WFIKKN2: variants seen among roughly 807,000 people sequenced by gnomAD.
WFIKKN2 encodes the protein WAP, follistatin/kazal, immunoglobulin, kunitz and netrin domain containing 2, also known as WAP, Kazal, immunoglobulin, Kunitz and NTR domain-containing protein 2.
WFIKKN2 carries 25 observed loss-of-function variants against 39.2 expected under a neutral mutation model. The ratio of observed to expected loss-of-function variants is 0.64; its 90% CI spans 0.47 to 0.89. The LOEUF is 0.89. Ranked by LOEUF, WFIKKN2 falls within the 40% of genes least tolerant of loss-of-function variation. The pLI, the probability that WFIKKN2 is intolerant of heterozygous loss-of-function variation, is 0.00. For synonymous variants in WFIKKN2, 345 were observed against 329.7 expected, an observed-to-expected ratio of 1.05 and a Z score of -0.50; for missense variants, 770 against 811.7, an observed-to-expected ratio of 0.95 and a Z score of 0.62.
chr17:50,835,043 C>G (rs1971937016), upstream of WFIKKN2: 1 of 152,186 alleles, frequency 6.6e-6, no homozygotes, highest in Admixed American at 6.5e-5. Context: ...GTATGTGTCT[C>G]TGGAATGATT....
rs1030847243 is a variant in WFIKKN2 at position 50,836,013 on chromosome 17, C to T, written c.76C>T (p.Leu26Phe). Residue 26 changes from leucine to phenylalanine, a missense_variant, in exon 1 of 2, where the codon CTC becomes TTC. Transcript: ENST00000311378. ...AGCGCTGCTGCTGCTGCTGCTACTG[C>T]TCGGGGTGCCCCCGCGAAGCCTGGC... is the stretch of plus-strand genomic sequence containing the variant. ...VAALLLLLLL[L>F]GVPPRSLALP... 4.4e-6 allele frequency: 7 copies of T among 1,602,750 alleles called. No individual in the cohort carries two copies. The highest frequency in any genetic ancestry group is 5.1e-6 in the Non-Finnish European group (6 of 1,175,222).
Position 50,839,503 on chromosome 17 carries a change from G to C in WFIKKN2, c.215G>C (p.Cys72Ser), listed in dbSNP as rs1972001828. 6.2e-7 allele frequency: 1 copy of C among 1,611,924 alleles called. No homozygotes were observed. Among genetic ancestry groups the C allele is most frequent in the Non-Finnish European group, 8.5e-7 (1 of 1,178,608 alleles). Residue 72 changes from cysteine (C) to serine (S), a missense_variant, in exon 2 of 2, where the codon TGT (cysteine) becomes TCT (serine). Coordinates refer to ENST00000311378, the MANE Select transcript of WFIKKN2 (RefSeq NM_175575.6). ...CRRECETDQE[C>S]ETYEKCCPNV... Reference sequence around the variant, plus strand: ...CACTCTCTCTGGCTCTTTCAGGAGTGTGAGACCTATGAGAAGTGCTGCCCC... The same window carrying C: ...CACTCTCTCTGGCTCTTTCAGGAGTCTGAGACCTATGAGAAGTGCTGCCCC...
In WFIKKN2 at chr17:50,840,362, C is replaced by T. The variant is rs773624934; in HGVS notation, c.1074C>T (p.Phe358=). The T allele has an allele frequency of 3.7e-5, 59 of 1,614,068 alleles. No individual in the cohort carries two copies. In the Middle Eastern group the frequency reaches 1.8e-3, roughly 49 times the overall value. The part of the protein sequence containing the change: ...AQANNCLTFT[F]GHCHRNLNHF... ...CCAACAACTGCCTGACCTTCACCTTCGGCCACTGCCACCGTAACCTCAACC... is the reference window on the plus strand; with the variant it reads ...CCAACAACTGCCTGACCTTCACCTTTGGCCACTGCCACCGTAACCTCAACC... The change falls in exon 2 of 2, where the codon TTC becomes TTT. Residue 358 remains phenylalanine (F), a synonymous_variant. Transcript: ENST00000311378.
upstream of WFIKKN2, among the ~76,000 whole-genome samples, chr17:50,835,248 G>C (rs560710096): frequency 6.6e-6 from 1 of 152,368 alleles, no homozygotes; most frequent in South Asian, 2.1e-4. Flanking sequence ...GCTCTCAAAT[G>C]TACTATCAAG....
chr17:50,836,271 AGT>A, intron 1 of WFIKKN2, 124 bp downstream of exon 1: 1 of 1,164,008 alleles, frequency 8.6e-7, no homozygotes, highest in Non-Finnish European at 1.2e-6. Context: ...CAGAAGCCAC[AGT>A]GTGAGGCGGA....
At chr17:50,836,797 G>A (rs1370778622) in intron 1 of WFIKKN2, among the ~76,000 whole-genome samples, 1 of 152,164 alleles carries the variant, frequency 6.6e-6, no homozygotes, top group East Asian at 1.9e-4. Context: ...CGGACCAGGT[G>A]AGTGGGGTCC....
rs777360585 is a variant in WFIKKN2, at chr17:50,840,915, G to T, written c.1627G>T (p.Asp543Tyr). Residue 543 changes from aspartate (D) to tyrosine (Y), a missense_variant, in exon 2 of 2, where the codon GAT becomes TAT. Transcript: ENST00000311378. ...VDGGMAMLRP[D>Y]SFVGASSARR... ...CGGCGGCATGGCCATGCTGCGCCCCGATAGCTTTGTGGGCGCATCGAGTGC... is the reference window on the plus strand; with the variant it reads ...CGGCGGCATGGCCATGCTGCGCCCCTATAGCTTTGTGGGCGCATCGAGTGC... 1 of 1,605,790 alleles carries T rather than the reference G, an allele frequency of 6.2e-7. No individual in the cohort carries two copies. Among genetic ancestry groups the T allele is most frequent in the South Asian group, 1.1e-5 (1 of 90,790 alleles).
Position 50,840,461 on chromosome 17 carries a change from G to T in WFIKKN2, c.1173G>T (p.Leu391=). 6.2e-7 allele frequency: 1 copy of T among 1,613,808 alleles called. No homozygotes were observed. The highest frequency in any genetic ancestry group is 8.5e-7 in the Non-Finnish European group (1 of 1,179,932). ...TGGCCGCGTGCAGCCTGCCCGCCCT[G>T]CAGGGGCCCTGCAAAGCCTACGCGC... ...GPLAACSLPA[L]QGPCKAYAPR... The change falls in exon 2 of 2, where the codon CTG becomes CTT. Residue 391 remains leucine, a synonymous_variant. Coordinates refer to ENST00000311378, the MANE Select transcript of WFIKKN2 (RefSeq NM_175575.6).
upstream of WFIKKN2, chr17:50,835,460 T>C (rs916434377): frequency 2.5e-5 from 4 of 159,342 alleles, no homozygotes; most frequent in Non-Finnish European, 5.4e-5. Flanking sequence ...TTGAAGGGGT[T>C]AAAGGCCTCC....
At chr17:50,839,058 A>C (rs1217638194) in intron 1 of WFIKKN2, among the ~76,000 whole-genome samples, 3 of 152,134 alleles carry the variant, frequency 2.0e-5, no homozygotes, top group African/African-American at 7.2e-5. Flanking sequence ...GGGAGCTTGG[A>C]GCCTTGTTCT....
rs1972025923 is a variant in WFIKKN2, at chr17:50,840,361, T to C, written c.1073T>C (p.Phe358Ser). 6.2e-7 allele frequency: 1 copy of C among 1,613,988 alleles called. No individual in the cohort carries two copies. The highest frequency in any genetic ancestry group is 1.3e-5 in the African/African-American group (1 of 74,922). ...GCCAACAACTGCCTGACCTTCACCTTCGGCCACTGCCACCGTAACCTCAAC... is the reference window on the plus strand; with the variant it reads ...GCCAACAACTGCCTGACCTTCACCTCCGGCCACTGCCACCGTAACCTCAAC... ...AQANNCLTFT[F>S]GHCHRNLNHF... Residue 358 changes from phenylalanine (F) to serine (S), a missense_variant, in exon 2 of 2, where the codon TTC (phenylalanine) becomes TCC (serine). Phe to Ser is a radical substitution (Grantham distance 155). Coordinates refer to ENST00000311378, the MANE Select transcript of WFIKKN2 (RefSeq NM_175575.6).
At chr17:50,837,038 C>T (rs544066472) in intron 1 of WFIKKN2, among the ~76,000 whole-genome samples, 3 of 152,308 alleles carry the variant, frequency 2.0e-5, no homozygotes, top group South Asian at 2.1e-4. Context: ...CTCCTTCATG[C>T]GTGCTGAGGG....
chr17:50,840,830 A>G lies in WFIKKN2; in HGVS notation c.1542A>G (p.Ala514=), dbSNP rs1567908604. ...TCACTCTGCTTCACGTGGACTGGGC[A>G]TGCCCCTGCCCCAACGTGACCGTGA... ...LEVTLLHVDW[A]CPCPNVTVSE... is the part of the protein sequence containing the mutation. The change falls in exon 2 of 2, where the codon GCA becomes GCG. Residue 514 remains alanine (A), a synonymous_variant. Transcript: ENST00000311378. The G allele has an allele frequency of 3.7e-6, 6 of 1,613,786 alleles. No homozygotes were observed. The highest frequency in any genetic ancestry group is 5.1e-6 in the Non-Finnish European group (6 of 1,179,806).
At chr17:50,836,396 A>G (rs866437616) in intron 1 of WFIKKN2, among the ~76,000 whole-genome samples, 4 of 138,758 alleles carry the variant, frequency 2.9e-5, no homozygotes, top group Admixed American at 7.2e-5. Context: ...GCAATGTGAG[A>G]TGGACCAGGT....
rs1409239916 is a variant in WFIKKN2, at chr17:50,836,792, C to CA, written c.210+646dup. Among the ~76,000 whole-genome samples the CA allele has an allele frequency of 1.4e-4, 22 of 152,174 alleles. 1 individual carries two copies. The highest frequency in any genetic ancestry group is 5.9e-4 in the Admixed American group (9 of 15,294). On this transcript the variant is annotated intron_variant, in intron 1 of 1. Transcript: ENST00000311378. Reference sequence around the variant, plus strand: ...CCAGAAGCTGGAGTGTGAGGCGGACCAGGTGAGTGGGGTCCAGAAGCCAGA... The same window carrying CA: ...CCAGAAGCTGGAGTGTGAGGCGGACCAAGGTGAGTGGGGTCCAGAAGCCAGA...
chr17:50,840,211 A>G lies in WFIKKN2; in HGVS notation c.923A>G (p.His308Arg), dbSNP rs780321582. Residue 308 changes from histidine (H) to arginine (R), a missense_variant, in exon 2 of 2, where the codon CAT becomes CGT. Transcript: ENST00000311378. ...ADFPLSVVRG[H>R]QAAATSESSP... ...TTCCCGCTGTCGGTGGTCAGGGGTC[A>G]TCAGGCTGCAGCCACCTCAGAGAGC... is the stretch of plus-strand genomic sequence containing the variant. The G allele has an allele frequency of 6.2e-7, 1 of 1,613,752 alleles. No individual in the cohort carries two copies. Among genetic ancestry groups the G allele is most frequent in the East Asian group, 2.2e-5 (1 of 44,876 alleles).
chr17:50,839,471 T>C, intron 1 of WFIKKN2, 28 bp from the exon 2 acceptor site: 1 of 1,590,594 alleles, frequency 6.3e-7, no homozygotes, highest in Non-Finnish European at 8.6e-7. Context: ...CTTCTCCCTG[T>C]TCAGGCCACT....
Position 50,839,573 on chromosome 17 carries a change from C to T in WFIKKN2, c.285C>T (p.Asp95=), listed in dbSNP as rs369509227. Residue 95 remains aspartate (D), a synonymous_variant, in exon 2 of 2, where the codon GAC becomes GAT. Transcript: ENST00000311378. ...TKSCVAARYM[D]VKGKKGPVGM... ...GCTGCGTGGCGGCCCGCTACATGGA[C>T]GTGAAAGGGAAGAAGGGCCCAGTGG... The T allele has an allele frequency of 9.9e-6, 16 of 1,614,116 alleles. No individual in the cohort carries two copies. The highest frequency in any genetic ancestry group is 1.7e-5 in the Admixed American group (1 of 60,026).
rs1489546734 is a variant in WFIKKN2, at chr17:50,840,451, T to A, written c.1163T>A (p.Leu388Gln). The change falls in exon 2 of 2, where the codon CTG (leucine) becomes CAG (glutamine). Residue 388 changes from leucine to glutamine, a missense_variant. By Grantham distance (113) the Leu-to-Gln change is moderately radical. Transcript: ENST00000311378. ...AGCGGGCCGCTGGCCGCGTGCAGCC[T>A]GCCCGCCCTGCAGGGGCCCTGCAAA... ...CMSGPLAACS[L>Q]PALQGPCKAY... is the part of the protein sequence containing the mutation. The A allele has an allele frequency of 1.9e-6, 3 of 1,613,786 alleles. No homozygotes were observed. Among genetic ancestry groups the A allele is most frequent in the Non-Finnish European group, 2.5e-6 (3 of 1,179,906 alleles).
Sources: allele counts gnomAD v4.1 joint callset (sites outside exome capture counted in the v4.1 genomes callset), GRCh38; gene constraint gnomAD v4.1.1; transcripts MANE v1.5; gene names NCBI Gene and HGNC (gene_info 2026-07-23, HGNC 2026-07-21).